Variants in IFNLR1 observed in about 807,000 individuals in gnomAD.
IFNLR1 encodes interferon lambda receptor 1, also known as CRF2-12.
In IFNLR1, 28 loss-of-function variants were observed where a neutral mutation model predicts 52.5. That is an observed-to-expected ratio of 0.53 (90% CI 0.40 to 0.73). The LOEUF is 0.73. IFNLR1 is among the 30% of genes least tolerant of loss of function. The pLI is 0.00. For synonymous variants in IFNLR1, 276 were observed against 274.9 expected (o/e 1.00, Z -0.04); for missense variants, 623 against 659.1 (o/e 0.95, Z 0.60).
At chr1:24,160,968 C>T (rs547464613) in intron 4 of IFNLR1, among the ~76,000 whole-genome samples, 92 of 152,116 alleles carry the variant, frequency 6.0e-4, no homozygotes, top group African/African-American at 2.1e-3. Flanking sequence ...AGGTAATCCT[C>T]CCACCACCTC....
intron 5 of IFNLR1, 109 bp downstream of exon 5, chr1:24,159,365 G>T: frequency 1.6e-6 from 2 of 1,288,256 alleles, no homozygotes; most frequent in Admixed American, 3.8e-5. Flanking sequence ...AATGAGTGTG[G>T]TTTTAATCCA....
At chr1:24,159,260 T>C (rs780133652) in intron 5 of IFNLR1, 78 bp from the exon 6 acceptor site, 15 of 1,518,562 alleles carry the variant, frequency 9.9e-6, no homozygotes, top group Admixed American at 7.0e-5. Context: ...GTGCTTCACA[T>C]ACATGACCCT....
intron 3 of IFNLR1, among the ~76,000 whole-genome samples, chr1:24,162,872 T>TCTCCTTCCTTCC (rs1644474002): frequency 2.5e-5 from 1 of 40,122 alleles, no homozygotes. Context: ...TCTTTCTTTC[T>TCTCCTTCCTTCC]TTCTTTCCTT....
chr1:24,166,719 T>TTA (rs1644524269), intron 3 of IFNLR1, among the ~76,000 whole-genome samples: 1 of 141,302 alleles, frequency 7.1e-6, no homozygotes, highest in Non-Finnish European at 1.6e-5. Context: ...GCGAATTTAA[T>TTA]TTTTTTTTTT....
intron 2 of IFNLR1, among the ~76,000 whole-genome samples, chr1:24,171,954 T>A (rs7525004): frequency 6.6e-6 from 1 of 152,050 alleles, no homozygotes; most frequent in South Asian, 2.1e-4. Flanking sequence ...GAGCCACCAC[T>A]CCTGGCCCAG....
chr1:24,181,834 G>A lies in IFNLR1; in HGVS notation c.59-980C>T, dbSNP rs115270183. On this transcript the variant is annotated intron_variant, in intron 1 of 6. Coordinates refer to ENST00000327535, the MANE Select transcript of IFNLR1 (RefSeq NM_170743.4). ...ACAAGAGTCACAGGGACGTCTGCCA[G>A]TATAAACAAGTGTGAAGGACCCCCA... Among the ~76,000 whole-genome samples, 656 of 152,284 alleles carry A rather than the reference G, an allele frequency of 4.3e-3. 4 individuals carry two copies. Among genetic ancestry groups the A allele is most frequent in the African/African-American group, 0.014 (579 of 41,558 alleles).
chr1:24,162,876 T>TTTCTTTCCTTCC lies in IFNLR1; in HGVS notation c.368-1193_368-1192insGGAAGGAAAGAA, dbSNP rs1553162229. ...CTTTCTTTCTTTCTTTCTTTCTTTC[T>TTTCTTTCCTTCC]TTCCTTCCTTCCTTCCTTCCTTCCT... is the stretch of plus-strand genomic sequence containing the variant. On this transcript the variant is annotated intron_variant, in intron 3 of 6. Coordinates refer to ENST00000327535, the MANE Select transcript of IFNLR1 (RefSeq NM_170743.4). 1.1e-3 allele frequency among the ~76,000 whole-genome samples: 24 copies of TTTCTTTCCTTCC among 22,568 alleles called. 1 individual carries two copies. The highest frequency in any genetic ancestry group is 3.8e-3 in the South Asian group (2 of 530). 14.8% of individuals were successfully genotyped at this position (22,568 alleles called of 152,430 possible).
chr1:24,156,989 GC>G lies in IFNLR1; in HGVS notation c.*140del. 1 of 911,542 alleles carries G rather than the reference GC, an allele frequency of 1.1e-6. No homozygotes were observed. Among genetic ancestry groups the G allele is most frequent in the Non-Finnish European group, 1.7e-6 (1 of 598,598 alleles). The allele number at this position is 911,542 out of a possible 1,614,324, so 56.5% of individuals were successfully genotyped here. A position where few individuals can be genotyped will look rare whatever the true frequency, so the allele number is the denominator to read the frequency against. ...TGTTGCTCAGCCCGACAGGCAAACA[GC>G]CGCTAGGTGGACTTCCCGGAAGTGC... On this transcript the variant is annotated 3_prime_UTR_variant, in exon 7 of 7. Transcript: ENST00000327535.
At chr1:24,164,906 G>A (rs905889585) in intron 3 of IFNLR1, among the ~76,000 whole-genome samples, 1 of 152,006 alleles carries the variant, frequency 6.6e-6, no homozygotes, top group African/African-American at 2.4e-5. Flanking sequence ...GGGATTACAG[G>A]TGCCCGCCAC....
At chr1:24,162,721 T>C (rs1429259664) in intron 3 of IFNLR1, among the ~76,000 whole-genome samples, 1 of 31,608 alleles carries the variant, frequency 3.2e-5, no homozygotes, top group East Asian at 6.8e-4. Flanking sequence ...CTTTCTTTCT[T>C]TCTTTTCTTT....
At position 24,163,937 on chromosome 1, in the gene IFNLR1, A is replaced by G. The variant is rs144514235; in HGVS notation, c.368-2253T>C. ...CCATCCCAATGTCCCCCAAAGTCTC[A>G]TCTCATTACAGCATCAACTCAAATT... On this transcript the variant is annotated intron_variant, in intron 3 of 6. Transcript: ENST00000327535. Among the ~76,000 whole-genome samples the G allele has an allele frequency of 5.4e-3, 826 of 152,196 alleles. 11 individuals carry two copies. The highest frequency in any genetic ancestry group is 7.3e-3 in the Admixed American group (111 of 15,290).
rs1036426628 is a variant in IFNLR1 at position 24,180,384 on chromosome 1, G to C, written c.182+347C>G. Among the ~76,000 whole-genome samples, 27 of 151,652 alleles carry C rather than the reference G, an allele frequency of 1.8e-4. 1 individual carries two copies. Among genetic ancestry groups the C allele is most frequent in the African/African-American group, 6.5e-4 (27 of 41,268 alleles). ...CAGCTCCTCTGCTGTGTACCTAGTT[G>C]CCTCACTGATCAGCTGGGACAGCTC... On this transcript the variant is annotated intron_variant, in intron 2 of 6. Coordinates refer to ENST00000327535, the MANE Select transcript of IFNLR1 (RefSeq NM_170743.4).
intron 1 of IFNLR1, among the ~76,000 whole-genome samples, chr1:24,182,166 T>C (rs1359580868): frequency 3.3e-5 from 5 of 150,196 alleles, no homozygotes; most frequent in Admixed American, 6.7e-5. Context: ...TGCCACTGCA[T>C]TCCAGCCTGG....
At chr1:24,184,848 G>A (rs777964360) in intron 1 of IFNLR1, among the ~76,000 whole-genome samples, 7 of 152,038 alleles carry the variant, frequency 4.6e-5, no homozygotes, top group Non-Finnish European at 5.9e-5. Context: ...GTGAAACCAC[G>A]TCTCTTCTAA....
chr1:24,171,151 AT>A (rs1365124110), intron 2 of IFNLR1, among the ~76,000 whole-genome samples: 1 of 152,244 alleles, frequency 6.6e-6, no homozygotes, highest in Non-Finnish European at 1.5e-5. Flanking sequence ...TTCACCCTCT[AT>A]AAAGCAAACA....
intron 2 of IFNLR1, among the ~76,000 whole-genome samples, chr1:24,179,942 T>G (rs1644671678): frequency 6.6e-6 from 1 of 152,178 alleles, no homozygotes; most frequent in Non-Finnish European, 1.5e-5. Flanking sequence ...CATTGTCAGA[T>G]TTCTCTGGAT....
At chr1:24,177,055 T>C (rs1408800061) in intron 2 of IFNLR1, among the ~76,000 whole-genome samples, 1 of 152,170 alleles carries the variant, frequency 6.6e-6, no homozygotes, top group Admixed American at 6.5e-5. Context: ...CTTGGAACCA[T>C]GTATTAAGTG....
rs760542615 is a variant in IFNLR1 at position 24,159,146 on chromosome 1, A to G, written c.707T>C (p.Leu236Pro). Residue 236 changes from leucine (L) to proline (P), a missense_variant, in exon 6 of 7, where the codon CTG (leucine) becomes CCG (proline). Transcript: ENST00000327535. ...NWAFLVLPSL[L>P]ILLLVIAAGG... ...TGCGGCAATTACTAACAGCAGTATC[A>G]GAAGCGATGGCAGCACCAGGAAAGC... 4 of 1,614,100 alleles carry G rather than the reference A, an allele frequency of 2.5e-6. No homozygotes were observed. In the African/African-American group the frequency reaches 5.3e-5, roughly 22 times the overall value.
At position 24,155,601 on chromosome 1, in the gene IFNLR1, C is replaced by G. The variant is rs1231912596; in HGVS notation, c.*1529G>C. ...CGCCCCCTGCAACTGCAGCCCAAGG[C>G]CTCTGGGGGACATGGTTTGAGAATC... is the stretch of plus-strand genomic sequence containing the variant. On this transcript the variant is annotated 3_prime_UTR_variant, in exon 7 of 7. Transcript: ENST00000327535. 1 of 152,284 alleles carries G rather than the reference C, an allele frequency of 6.6e-6. No homozygotes were observed. The highest frequency in any genetic ancestry group is 2.4e-5 in the African/African-American group (1 of 41,456). 9.4% of individuals were successfully genotyped at this position (152,284 alleles called of 1,614,324 possible). A position where few individuals can be genotyped will look rare whatever the true frequency, so the allele number is the denominator to read the frequency against.
Sources: gnomAD v4.1 joint callset for allele counts (sites outside exome capture counted in the v4.1 genomes callset) on GRCh38, gnomAD v4.1.1 for gene constraint, MANE v1.5 for transcripts, NCBI Gene and HGNC (gene_info 2026-07-23, HGNC 2026-07-21) for gene names.